SPAST: variants seen among roughly 807,000 people sequenced by gnomAD.
SPAST encodes spastin.
Under a neutral mutation model 76.6 loss-of-function variants are expected in SPAST, and 30 were observed. The observed-to-expected ratio is 0.39, with a 90% CI of 0.29 to 0.53. SPAST has a LOEUF of 0.53. Among genes scored for constraint, SPAST ranks in the 20% least tolerant of loss-of-function variants. SPAST has a pLI of 0.68. For synonymous variants in SPAST, 305 were observed against 281.0 expected (o/e 1.09, Z -0.86); for missense variants, 717 against 770.5 (o/e 0.93, Z 0.82).
At chr2:32,116,246 C>T (rs765161489) in intron 7 of SPAST, 34 bp downstream of exon 7, 2 of 1,321,164 alleles carry the variant, frequency 1.5e-6, no homozygotes, top group South Asian at 1.2e-5. Context: ...TTCTATAATA[C>T]CATCTGTTAC....
chr2:32,114,956 A>C, intron 5 of SPAST, 131 bp downstream of exon 5: 1 of 556,034 alleles, frequency 1.8e-6, no homozygotes, highest in East Asian at 3.3e-5. Context: ...CATAAAGTTA[A>C]ATTTTTTTTT....
intron 1 of SPAST, among the ~76,000 whole-genome samples, chr2:32,072,630 A>C (rs1676798167): frequency 6.6e-6 from 1 of 152,068 alleles, no homozygotes; most frequent in African/African-American, 2.4e-5. Flanking sequence ...TTTTTTGCTT[A>C]CCGGTTTATA....
intron 13 of SPAST, among the ~76,000 whole-genome samples, chr2:32,142,270 G>T (rs570678220): frequency 6.6e-6 from 1 of 152,150 alleles, no homozygotes; most frequent in East Asian, 1.9e-4. Flanking sequence ...AATGGATACT[G>T]TTATCCATTA....
rs201026422 is a variant in SPAST at position 32,141,963 on chromosome 2, G to C, written c.1536+17G>C. On this transcript the variant is annotated intron_variant, in intron 13 of 16. Coordinates refer to ENST00000315285, the MANE Select transcript of SPAST (RefSeq NM_014946.4). The stretch of plus-strand genomic sequence containing the variant: ...AATGAGGAGGTATGTATCTGTGTTT[G>C]AATTTTTTTTGTTTTAGAGCAGAAA... 2.5e-6 allele frequency: 4 copies of C among 1,607,574 alleles called. No homozygotes were observed. The highest frequency in any genetic ancestry group is 1.7e-4 in the Middle Eastern group (1 of 5,894).
chr2:32,130,409 C>CAT (rs1289402090), intron 9 of SPAST: 2 of 152,146 alleles, frequency 1.3e-5, no homozygotes, highest in Non-Finnish European at 2.9e-5. Flanking sequence ...GAAGTGTCAG[C>CAT]ATTTGTTGCA....
chr2:32,147,089 T>C, intron 15 of SPAST, 129 bp from the exon 16 acceptor site: 3 of 657,366 alleles, frequency 4.6e-6, no homozygotes, highest in Non-Finnish European at 8.3e-6. Context: ...TTAACATGTG[T>C]CTCTTTTTTT....
In SPAST at chr2:32,064,185, C is replaced by T; in HGVS notation, c.354C>T (p.Val118=). ...GCGGCGAGGCCGAGCGCGTCCGAGT[C>T]TTCCACAAACAGGCCTTCGAGTACA... ...VPGGEAERVR[V]FHKQAFEYIS... The change falls in exon 1 of 17, where the codon GTC becomes GTT. Residue 118 remains valine (V), a synonymous_variant. Coordinates refer to ENST00000315285, the MANE Select transcript of SPAST (RefSeq NM_014946.4). 2 of 1,551,670 alleles carry T rather than the reference C, an allele frequency of 1.3e-6. No homozygotes were observed. Among genetic ancestry groups the T allele is most frequent in the Middle Eastern group, 2.2e-4 (1 of 4,484 alleles).
At chr2:32,111,483 T>C (rs1678605254) in intron 4 of SPAST, among the ~76,000 whole-genome samples, 1 of 150,546 alleles carries the variant, frequency 6.6e-6, no homozygotes, top group Non-Finnish European at 1.5e-5. Flanking sequence ...CATATACATA[T>C]AGTTATTTTT....
intron 3 of SPAST, among the ~76,000 whole-genome samples, chr2:32,095,456 G>C (rs1361942087): frequency 6.6e-6 from 1 of 152,098 alleles, no homozygotes; most frequent in African/African-American, 2.4e-5. Flanking sequence ...TGAGGGCTGG[G>C]CACAGTGGCT....
intron 1 of SPAST, among the ~76,000 whole-genome samples, chr2:32,080,305 A>G (rs896246729): frequency 6.6e-6 from 1 of 152,150 alleles, no homozygotes; most frequent in Non-Finnish European, 1.5e-5. Flanking sequence ...TAAACATTTT[A>G]AGCTCTGCAG....
chr2:32,083,134 G>T (rs1414586759), intron 1 of SPAST, among the ~76,000 whole-genome samples: 2 of 152,058 alleles, frequency 1.3e-5, no homozygotes, highest in African/African-American at 4.8e-5. Context: ...ACCACAACCA[G>T]CTAATTTTTG....
intron 3 of SPAST, among the ~76,000 whole-genome samples, chr2:32,093,652 G>A (rs1254085857): frequency 1.3e-5 from 2 of 152,068 alleles, no homozygotes; most frequent in African/African-American, 4.8e-5. Flanking sequence ...AAACTCTATG[G>A]AGGAGGGATC....
At chr2:32,139,158 T>C (rs1174717918) in intron 12 of SPAST, among the ~76,000 whole-genome samples, 1 of 152,222 alleles carries the variant, frequency 6.6e-6, no homozygotes, top group Non-Finnish European at 1.5e-5. Context: ...TGCTTCCATA[T>C]GAATTTTAGA....
chr2:32,081,294 C>G (rs1677212501), intron 1 of SPAST, among the ~76,000 whole-genome samples: 1 of 151,526 alleles, frequency 6.6e-6, no homozygotes, highest in African/African-American at 2.4e-5. Flanking sequence ...TGGGGCTTCA[C>G]TGTATTAGCC....
At chr2:32,127,320 G>T (rs1353006410) in intron 8 of SPAST, 2 of 376,646 alleles carry the variant, frequency 5.3e-6, no homozygotes, top group Admixed American at 3.9e-5. Flanking sequence ...ATTTCGCCAT[G>T]TTGGCCAGGC....
At chr2:32,094,306 C>T (rs1677838608) in intron 3 of SPAST, among the ~76,000 whole-genome samples, 1 of 152,004 alleles carries the variant, frequency 6.6e-6, no homozygotes. Context: ...GCAACCTCTG[C>T]CTCCCGGGTT....
intron 16 of SPAST, among the ~76,000 whole-genome samples, chr2:32,152,245 A>G (rs898263481): frequency 6.6e-6 from 1 of 152,200 alleles, no homozygotes; most frequent in African/African-American, 2.4e-5. Context: ...CTATAGACTT[A>G]AAGTACAATT....
In SPAST at chr2:32,144,804, G is replaced by A. The variant is rs1025939793; in HGVS notation, c.1617-133G>A. 21 of 668,888 alleles carry A rather than the reference G, an allele frequency of 3.1e-5. No homozygotes were observed. The Middle Eastern group carries it at 2.0e-3, about 63-fold the overall frequency. The allele number at this position is 668,888 out of a possible 1,614,324, so 41.4% of individuals were successfully genotyped here. A position where few individuals can be genotyped will look rare whatever the true frequency, so the allele number is the denominator to read the frequency against. On this transcript the variant is annotated intron_variant, in intron 14 of 16. Transcript: ENST00000315285. ...CCTGAGAGGCTGAGGTAGGAGAATC[G>A]CTCCAGGAGGTGGAGATCACAGTGA...
chr2:32,125,261 T>C (rs1254110544), intron 7 of SPAST, among the ~76,000 whole-genome samples: 2 of 152,280 alleles, frequency 1.3e-5, no homozygotes, highest in East Asian at 3.9e-4. Context: ...TTCACTCTTG[T>C]TGCCCAGGCT....
Sources: allele counts gnomAD v4.1 joint callset (sites outside exome capture counted in the v4.1 genomes callset), GRCh38; gene constraint gnomAD v4.1.1; transcripts MANE v1.5; gene names NCBI Gene and HGNC (gene_info 2026-07-23, HGNC 2026-07-21).